ITGBL1: variants seen among roughly 807,000 people sequenced by gnomAD.
The protein encoded by ITGBL1 is integrin subunit beta like 1.
ITGBL1 carries 51 observed loss-of-function variants against 68.5 expected under a neutral mutation model. That is an observed-to-expected ratio of 0.74 (90% confidence interval 0.59 to 0.94). The LOEUF (loss-of-function observed/expected upper bound fraction) is 0.94. Among genes scored for constraint, ITGBL1 ranks in the 40% least tolerant of loss-of-function variants. The pLI, the probability that ITGBL1 is intolerant of heterozygous loss-of-function variation, is 0.00. For missense variants in ITGBL1, 649 were observed against 647.4 expected (o/e 1.00, Z -0.03); for synonymous variants, 209 against 227.3 (o/e 0.92, Z 0.72).
At chr13:101,457,514 T>A (rs1461783076) in intron 2 of ITGBL1, among the ~76,000 whole-genome samples, 3 of 152,234 alleles carry the variant, frequency 2.0e-5, no homozygotes, top group Non-Finnish European at 4.4e-5. Context: ...TTTCTTCCAG[T>A]GTCCACTTGT....
intron 7 of ITGBL1, among the ~76,000 whole-genome samples, chr13:101,673,419 T>C (rs2033424702): frequency 6.6e-6 from 1 of 152,206 alleles, no homozygotes; most frequent in South Asian, 2.1e-4. Flanking sequence ...TACGAAATGA[T>C]AGAATTGCTC....
At chr13:101,560,647 C>G (rs1380571425) in intron 2 of ITGBL1, among the ~76,000 whole-genome samples, 3 of 152,154 alleles carry the variant, frequency 2.0e-5, no homozygotes, top group Non-Finnish European at 4.4e-5. Context: ...AAAATTTGCA[C>G]TTACCTCAAA....
At chr13:101,675,948 T>G (rs1331301008) in intron 7 of ITGBL1, among the ~76,000 whole-genome samples, 1 of 152,174 alleles carries the variant, frequency 6.6e-6, no homozygotes, top group East Asian at 1.9e-4. Flanking sequence ...TCGAATATCC[T>G]TATTCAATTT....
intron 2 of ITGBL1, among the ~76,000 whole-genome samples, chr13:101,543,574 C>A (rs933689744): frequency 7.2e-5 from 11 of 152,020 alleles, no homozygotes; most frequent in Non-Finnish European, 1.2e-4. Flanking sequence ...TTGTGGCGTT[C>A]TCTGTATTTC....
At chr13:101,496,949 A>T (rs2048865655) in intron 2 of ITGBL1, among the ~76,000 whole-genome samples, 1 of 152,168 alleles carries the variant, frequency 6.6e-6, no homozygotes, top group Admixed American at 6.5e-5. Context: ...AAAGCCTGGG[A>T]TGTTGTAGTA....
chr13:101,467,643 T>C (rs2048400369), intron 2 of ITGBL1, among the ~76,000 whole-genome samples: 1 of 152,156 alleles, frequency 6.6e-6, no homozygotes, highest in African/African-American at 2.4e-5. Context: ...AATGAGGGCT[T>C]TATAAAGAGA....
intron 2 of ITGBL1, among the ~76,000 whole-genome samples, chr13:101,556,356 G>A (rs1465430954): frequency 6.6e-6 from 1 of 152,226 alleles, no homozygotes; most frequent in Non-Finnish European, 1.5e-5. Flanking sequence ...AAGAAAAGAA[G>A]CTGGGCACGG....
chr13:101,586,916 T>C (rs1406453667), intron 6 of ITGBL1, among the ~76,000 whole-genome samples: 1 of 152,176 alleles, frequency 6.6e-6, no homozygotes, highest in Non-Finnish European at 1.5e-5. Flanking sequence ...AAGAGTGCCA[T>C]ATAGTTGATT....
chr13:101,626,326 C>T (rs537198861), intron 7 of ITGBL1, among the ~76,000 whole-genome samples: 1 of 152,292 alleles, frequency 6.6e-6, no homozygotes, highest in Non-Finnish European at 1.5e-5. Flanking sequence ...TTGAAAATTA[C>T]ACTACAATTT....
At chr13:101,674,013 C>T (rs993245616) in intron 7 of ITGBL1, among the ~76,000 whole-genome samples, 5 of 152,122 alleles carry the variant, frequency 3.3e-5, no homozygotes, top group Admixed American at 2.6e-4. Flanking sequence ...TCAAAAGGGG[C>T]AAATGTGAAA....
intron 2 of ITGBL1, among the ~76,000 whole-genome samples, chr13:101,515,801 T>G (rs988667023): frequency 1.3e-5 from 2 of 152,170 alleles, no homozygotes; most frequent in African/African-American, 4.8e-5. Context: ...TGATCTTCTC[T>G]GCGATGTACT....
At chr13:101,531,799 C>G (rs2049486131) in intron 2 of ITGBL1, among the ~76,000 whole-genome samples, 1 of 151,452 alleles carries the variant, frequency 6.6e-6, no homozygotes, top group South Asian at 2.1e-4. Flanking sequence ...GTGGTGCGAT[C>G]TTGACTCACT....
At chr13:101,667,960 A>G (rs1317877393) in intron 7 of ITGBL1, among the ~76,000 whole-genome samples, 2 of 151,976 alleles carry the variant, frequency 1.3e-5, no homozygotes, top group Admixed American at 1.3e-4. Flanking sequence ...TCTTTGATAA[A>G]TAAATTGGTT....
chr13:101,490,544 C>G (rs1267943750), intron 2 of ITGBL1, among the ~76,000 whole-genome samples: 1 of 152,108 alleles, frequency 6.6e-6, no homozygotes, highest in Non-Finnish European at 1.5e-5. Context: ...TGTTCACACA[C>G]AGTAAGTAGC....
intron 2 of ITGBL1, among the ~76,000 whole-genome samples, chr13:101,464,740 G>A (rs2048360948): frequency 6.6e-6 from 1 of 151,990 alleles, no homozygotes; most frequent in African/African-American, 2.4e-5. Flanking sequence ...CCATACATAT[G>A]TGAATATGTA....
intron 5 of ITGBL1, among the ~76,000 whole-genome samples, chr13:101,581,597 A>G (rs1264512486): frequency 1.3e-5 from 2 of 152,110 alleles, no homozygotes; most frequent in East Asian, 3.9e-4. Context: ...ATCTTTCCAT[A>G]TTTATGGGGC....
At chr13:101,483,767 G>A (rs534865950) in intron 2 of ITGBL1, among the ~76,000 whole-genome samples, 114 of 151,790 alleles carry the variant, frequency 7.5e-4, no homozygotes, top group African/African-American at 2.5e-3. Flanking sequence ...ACATATTTTT[G>A]AAATCTAATC....
intron 7 of ITGBL1, among the ~76,000 whole-genome samples, chr13:101,648,277 T>C (rs1261149925): frequency 1.3e-5 from 2 of 152,158 alleles, no homozygotes; most frequent in South Asian, 2.1e-4. Flanking sequence ...GAGACAGATA[T>C]TGGAATTATC....
rs183526577 is a variant in ITGBL1, at chr13:101,549,414, A to T, written c.317-18285A>T. 1.1e-3 allele frequency among the ~76,000 whole-genome samples: 171 copies of T among 152,042 alleles called. 1 individual carries two copies. Among genetic ancestry groups the T allele is most frequent in the Admixed American group, 6.5e-3 (99 of 15,260 alleles). On this transcript the variant is annotated intron_variant, in intron 2 of 10. Coordinates refer to ENST00000376180, the MANE Select transcript of ITGBL1 (RefSeq NM_004791.3). Reference sequence around the variant, plus strand: ...ATATGTCACAAAACTTAGAATTCATAAATTAAATAATTTTCAAGCAATAAA... The same window carrying T: ...ATATGTCACAAAACTTAGAATTCATTAATTAAATAATTTTCAAGCAATAAA...
Sources: allele counts gnomAD v4.1 joint callset (sites outside exome capture counted in the v4.1 genomes callset), GRCh38; gene constraint gnomAD v4.1.1; transcripts MANE v1.5; gene names NCBI Gene and HGNC (gene_info 2026-07-23, HGNC 2026-07-21).